DDC: variants seen among roughly 807,000 people sequenced by gnomAD.
DDC encodes the protein dopa decarboxylase.
In DDC, 43 loss-of-function variants were observed where a neutral mutation model predicts 60.0. The observed-to-expected ratio is 0.72, with a 90% CI of 0.56 to 0.92. The LOEUF is 0.92. Ranked by LOEUF, DDC falls within the 40% of genes least tolerant of loss-of-function variation. The probability of loss-of-function intolerance (pLI) is 0.00; values close to 1 mark genes in which losing one functional copy is unlikely to be tolerated. For missense variants in DDC, 573 were observed against 620.2 expected, an observed-to-expected ratio of 0.92 and a Z score of 0.81; for synonymous variants, 232 against 234.6, an observed-to-expected ratio of 0.99 and a Z score of 0.10.
In DDC at chr7:50,530,383, A is replaced by C. The variant is rs145575058; in HGVS notation, c.436-1041T>G. 8.5e-3 allele frequency among the ~76,000 whole-genome samples: 1,298 copies of C among 152,264 alleles called. 6 individuals carry two copies. The highest frequency in any genetic ancestry group is 0.013 in the Non-Finnish European group (880 of 68,004). ...AGCCCAGGAGAGAGGCCCCAGGAGA[A>C]CCAACCCTGTGGACACTTTGATTTT... On this transcript the variant is annotated intron_variant, in intron 4 of 14. Coordinates refer to ENST00000444124, the MANE Select transcript of DDC (RefSeq NM_001082971.2).
At chr7:50,488,242 T>C (rs868430365) in intron 9 of DDC, among the ~76,000 whole-genome samples, 3 of 152,074 alleles carry the variant, frequency 2.0e-5, no homozygotes, top group Middle Eastern at 3.4e-3. Flanking sequence ...AAATAATAGA[T>C]ATTGCTTAAA....
chr7:50,523,718 G>C (rs2043960651), intron 6 of DDC, among the ~76,000 whole-genome samples: 1 of 152,134 alleles, frequency 6.6e-6, no homozygotes, highest in South Asian at 2.1e-4. Flanking sequence ...ATTCATTGTG[G>C]GAATGCAAAA....
intron 14 of DDC, chr7:50,459,648 G>C (rs865874130): frequency 2.5e-4 from 38 of 153,614 alleles, no homozygotes; most frequent in Non-Finnish European, 4.5e-4. Flanking sequence ...ACCCGGCCGC[G>C]ACCCCGTCTG....
rs765426663 is a variant in DDC at position 50,495,375 on chromosome 7, C to G, written c.919G>C (p.Val307Leu). Residue 307 changes from valine (V) to leucine (L), a missense_variant, in exon 9 of 15, where the codon GTG becomes CTG. Val to Leu is a conservative substitution (Grantham distance 32). Coordinates refer to ENST00000444124, the MANE Select transcript of DDC (RefSeq NM_001082971.2). ...FNFNPHKWLLVNFDCSAMWVK... is the reference protein window; with the variant it reads ...FNFNPHKWLLLNFDCSAMWVK... ...CACATGGCAGAACAGTCAAAATTCA[C>G]CAATAGCCATTTGTGGGGATTAAAG... 6.2e-7 allele frequency: 1 copy of G among 1,613,202 alleles called. No homozygotes were observed. The highest frequency in any genetic ancestry group is 8.5e-7 in the Non-Finnish European group (1 of 1,179,686).
chr7:50,471,336 C>T (rs550453408), intron 11 of DDC, among the ~76,000 whole-genome samples: 4 of 152,218 alleles, frequency 2.6e-5, no homozygotes, highest in Non-Finnish European at 4.4e-5. Context: ...GCCAAGATGG[C>T]GCTATTGCAC....
chr7:50,503,264 C>T (rs1020798657), intron 7 of DDC, among the ~76,000 whole-genome samples: 1 of 152,236 alleles, frequency 6.6e-6, no homozygotes, highest in African/African-American at 2.4e-5. Flanking sequence ...AAAGGGGGAG[C>T]CCCCTGAGCC....
chr7:50,524,575 T>C (rs2043988868), intron 6 of DDC, among the ~76,000 whole-genome samples: 1 of 152,204 alleles, frequency 6.6e-6, no homozygotes, highest in South Asian at 2.1e-4. Context: ...TGAAAAGATG[T>C]TCATTAGTTA....
chr7:50,512,815 T>G (rs1311737106), intron 6 of DDC, among the ~76,000 whole-genome samples: 1 of 152,226 alleles, frequency 6.6e-6, no homozygotes, highest in Admixed American at 6.5e-5. Context: ...CTCTTTTCCC[T>G]TTTTAAGGAT....
chr7:50,556,842 C>T (rs1257852053), intron 1 of DDC, among the ~76,000 whole-genome samples: 3 of 152,200 alleles, frequency 2.0e-5, no homozygotes, highest in African/African-American at 7.2e-5. Flanking sequence ...GGACAGTCCT[C>T]CTCCTCCTCC....
intron 1 of DDC, among the ~76,000 whole-genome samples, chr7:50,559,380 C>T (rs1424818357): frequency 2.0e-5 from 3 of 152,060 alleles, no homozygotes; most frequent in Admixed American, 1.3e-4. Context: ...ATGTCTTCCT[C>T]CAGAAATGCC....
At position 50,476,438 on chromosome 7, in the gene DDC, T is replaced by G. The variant is rs1409368600; in HGVS notation, c.1041+186A>C. ...CCCCTCCTAACCTGAGACCTCTGAC[T>G]GAGGGGTTCAGCAGAGCTGCCCGCC... On this transcript the variant is annotated intron_variant, in intron 11 of 14. Coordinates refer to ENST00000444124, the MANE Select transcript of DDC (RefSeq NM_001082971.2). Among the ~76,000 whole-genome samples, 3 of 152,196 alleles carry G rather than the reference T, an allele frequency of 2.0e-5. No individual in the cohort carries two copies. The East Asian group carries it at 5.8e-4, about 29-fold the overall frequency.
chr7:50,475,938 C>T (rs895403032), intron 11 of DDC, among the ~76,000 whole-genome samples: 2 of 152,154 alleles, frequency 1.3e-5, no homozygotes, highest in East Asian at 3.9e-4. Context: ...GATCCACCCA[C>T]CTCAGCCTCT....
At chr7:50,519,950 AC>A (rs200777183) in intron 6 of DDC, among the ~76,000 whole-genome samples, 9 of 97,602 alleles carry the variant, frequency 9.2e-5, no homozygotes, top group East Asian at 7.2e-4. Context: ...AACAATCAAA[AC>A]CAAAACAAAC....
At chr7:50,473,814 G>T (rs2042583917) in intron 11 of DDC, among the ~76,000 whole-genome samples, 1 of 152,252 alleles carries the variant, frequency 6.6e-6, no homozygotes, top group South Asian at 2.1e-4. Flanking sequence ...AGGACTTGGG[G>T]CATGTCCTCT....
At chr7:50,498,719 C>G (rs897644560) in intron 8 of DDC, among the ~76,000 whole-genome samples, 2 of 152,216 alleles carry the variant, frequency 1.3e-5, no homozygotes, top group African/African-American at 4.8e-5. Context: ...GCATTGGTAG[C>G]TTCTCGTTCA....
chr7:50,483,690 C>T (rs56727653), intron 9 of DDC, among the ~76,000 whole-genome samples: 15,823 of 152,000 alleles, frequency 0.1, 862 homozygotes, highest in African/African-American at 0.14. Flanking sequence ...ATCACGAGGT[C>T]AGGAGATCGA....
intron 9 of DDC, among the ~76,000 whole-genome samples, chr7:50,490,219 T>C (rs539016665): frequency 6.6e-6 from 1 of 152,344 alleles, no homozygotes; most frequent in Non-Finnish European, 1.5e-5. Context: ...ACCTTGTCCT[T>C]TACAGGGTCC....
At chr7:50,536,847 C>T (rs2044429359) in intron 4 of DDC, among the ~76,000 whole-genome samples, 2 of 152,252 alleles carry the variant, frequency 1.3e-5, no homozygotes, top group African/African-American at 2.4e-5. Flanking sequence ...GTGTGCCTCA[C>T]TGTCCTCATC....
intron 1 of DDC, among the ~76,000 whole-genome samples, chr7:50,563,503 A>G (rs2045381396): frequency 2.0e-5 from 3 of 152,328 alleles, no homozygotes; most frequent in Non-Finnish European, 4.4e-5. Flanking sequence ...ATTTCTCTCC[A>G]TAGTTGAACC....
Sources: gnomAD v4.1 joint callset for allele counts (sites outside exome capture counted in the v4.1 genomes callset) on GRCh38, gnomAD v4.1.1 for gene constraint, MANE v1.5 for transcripts, NCBI Gene and HGNC (gene_info 2026-07-23, HGNC 2026-07-21) for gene names.